Variants in ZNF273 observed in about 807,000 individuals in gnomAD.
The protein encoded by ZNF273 is zinc finger protein 9.
A neutral mutation model predicts 14.9 loss-of-function variants in ZNF273; 11 were observed. The observed-to-expected ratio is 0.74, with a 90% CI of 0.46 to 1.22. The LOEUF (loss-of-function observed/expected upper bound fraction) is 1.22. ZNF273 is among the 50% of genes most tolerant of loss of function. The pLI is 0.00. For synonymous variants in ZNF273, 199 were observed against 223.9 expected (o/e 0.89, Z 0.99); for missense variants, 577 against 660.6 (o/e 0.87, Z 1.39).
At chr7:64,919,988 A>G (rs778312203) in intron 3 of ZNF273, among the ~76,000 whole-genome samples, 9 of 152,112 alleles carry the variant, frequency 5.9e-5, no homozygotes, top group East Asian at 1.9e-4. Flanking sequence ...ATGGCACAAT[A>G]TAGTTTTGCA....
downstream of ZNF273, chr7:64,893,665 GT>G (rs1792172037): frequency 1.0e-5 from 1 of 97,958 alleles, no homozygotes. Context: ...CCTCCCTCCC[GT>G]CCCCCTCCCC....
chr7:64,935,821 T>C (rs114900047), downstream of ZNF273, among the ~76,000 whole-genome samples: 1,393 of 152,262 alleles, frequency 9.1e-3, 16 homozygotes, highest in African/African-American at 0.032. Context: ...TAAACAGTTA[T>C]GTAGATAGTT....
chr7:64,917,487 G>C, intron 1 of ZNF273, 94 bp from the exon 2 acceptor site: 1 of 1,525,898 alleles, frequency 6.6e-7, no homozygotes, highest in Non-Finnish European at 8.9e-7. Context: ...GTAAAAACCA[G>C]TTCTCTTTAC....
chr7:64,918,373 G>A (rs1794161602), intron 3 of ZNF273, 81 bp downstream of exon 3: 3 of 1,380,902 alleles, frequency 2.2e-6, no homozygotes, highest in East Asian at 7.2e-5. Flanking sequence ...TTCTTAAAAT[G>A]TGATTTGGGC....
intron 3 of ZNF273, 53 bp downstream of exon 3, chr7:64,918,345 G>A: frequency 6.8e-7 from 1 of 1,468,744 alleles, no homozygotes; most frequent in African/African-American, 1.4e-5. Context: ...CAGGTCTAAA[G>A]GTCAAGGAGA....
intron 1 of ZNF273, chr7:64,888,234 C>CA (rs1791723702): frequency 3.4e-5 from 32 of 946,388 alleles, no homozygotes; most frequent in Non-Finnish European, 3.9e-5. Context: ...CCCCACCCTC[C>CA]AGCCAGAGGA....
At chr7:64,910,664 C>G (rs1488588195) in intron 1 of ZNF273, among the ~76,000 whole-genome samples, 2 of 150,506 alleles carry the variant, frequency 1.3e-5, no homozygotes, top group African/African-American at 4.9e-5. Flanking sequence ...CTTGGCTATT[C>G]AAGTTTTGTT....
intron 1 of ZNF273, among the ~76,000 whole-genome samples, chr7:64,916,715 C>T (rs755234751): frequency 1.6e-5 from 2 of 125,156 alleles, no homozygotes; most frequent in African/African-American, 2.7e-5. Context: ...TGTGCCTCAG[C>T]GCATCATACA....
chr7:64,918,389 G>A (rs556188430), intron 3 of ZNF273, 97 bp downstream of exon 3: 338 of 1,265,270 alleles, frequency 2.7e-4, no homozygotes, highest in Non-Finnish European at 2.8e-4. Flanking sequence ...TGGGCCAGGC[G>A]CGGTGGCTCA....
intron 1 of ZNF273, chr7:64,888,373 G>A: frequency 6.1e-6 from 6 of 985,340 alleles, no homozygotes; most frequent in Non-Finnish European, 7.2e-6. Flanking sequence ...GGGTTATGAA[G>A]ATGAGAGGGA....
At chr7:64,907,624 A>T (rs772331567) in intron 1 of ZNF273, among the ~76,000 whole-genome samples, 2 of 152,108 alleles carry the variant, frequency 1.3e-5, no homozygotes, top group Non-Finnish European at 2.9e-5. Context: ...GTCTGTGCTG[A>T]CCCTGGGTGG....
upstream of ZNF273, among the ~76,000 whole-genome samples, chr7:64,900,118 C>CT (rs373187103): frequency 0.038 from 5,514 of 143,744 alleles, 131 homozygotes; most frequent in Middle Eastern, 0.084. Context: ...TTTTCTCTCT[C>CT]TTTTTTTTTT....
In ZNF273 at chr7:64,928,743, C is replaced by A. The variant is rs753053884; in HGVS notation, c.1415C>A (p.Thr472Asn). ...ECGSAFRAFS[T>N]LTEHKRVHTG... Reference sequence around the variant, plus strand: ...GGCAGTGCCTTTAGGGCATTCTCAACCCTTACTGAACATAAGAGAGTTCAT... The same window carrying A: ...GGCAGTGCCTTTAGGGCATTCTCAAACCTTACTGAACATAAGAGAGTTCAT... The change falls in exon 4 of 4, where the codon ACC (threonine) becomes AAC (asparagine). Residue 472 changes from threonine (T) to asparagine (N), a missense_variant. This residue lies in a region of ZNF273 where 411 missense variants were observed against 440.4 expected (regional missense o/e 0.93). Transcript: ENST00000476120. 51 of 1,610,986 alleles carry A rather than the reference C, an allele frequency of 3.2e-5. No individual in the cohort carries two copies. The highest frequency in any genetic ancestry group is 4.2e-5 in the Non-Finnish European group (49 of 1,178,396).
intron 1 of ZNF273, 25 bp from the exon 2 acceptor site, chr7:64,917,556 G>A (rs1794095594): frequency 6.3e-7 from 1 of 1,582,712 alleles, no homozygotes; most frequent in African/African-American, 1.4e-5. Context: ...TGGTAAATAT[G>A]TTTTTGTGTG....
chr7:64,910,704 GT>G (rs201783105), intron 1 of ZNF273, among the ~76,000 whole-genome samples: 1 of 143,944 alleles, frequency 6.9e-6, no homozygotes, highest in Non-Finnish European at 1.5e-5. Context: ...TTTTAAAATA[GT>G]TTTTTTTTCT....
At chr7:64,911,876 T>A (rs889259099) in intron 1 of ZNF273, among the ~76,000 whole-genome samples, 1 of 152,102 alleles carries the variant, frequency 6.6e-6, no homozygotes, top group African/African-American at 2.4e-5. Flanking sequence ...GGCATAAATT[T>A]CCCTCTTAAC....
intron 1 of ZNF273, chr7:64,917,112 A>G (rs1437678271): frequency 1.6e-6 from 2 of 1,284,002 alleles, no homozygotes; most frequent in Non-Finnish European, 2.0e-6. Flanking sequence ...AAACATTGGC[A>G]TTACTGGTGA....
intron 1 of ZNF273, among the ~76,000 whole-genome samples, chr7:64,913,498 G>A (rs1006737604): frequency 6.6e-6 from 1 of 151,834 alleles, no homozygotes; most frequent in East Asian, 1.9e-4. Flanking sequence ...AAACATTGCA[G>A]TAGTACATGT....
upstream of ZNF273, among the ~76,000 whole-genome samples, chr7:64,898,740 G>A (rs2129050763): frequency 6.6e-6 from 1 of 152,286 alleles, no homozygotes. Flanking sequence ...AGGGGAAATT[G>A]GTATCTCTGT....
Sources: allele counts gnomAD v4.1 joint callset (sites outside exome capture counted in the v4.1 genomes callset), GRCh38; gene constraint gnomAD v4.1.1; regional missense constraint gnomAD v4.1.1; transcripts MANE v1.5; gene names NCBI Gene and HGNC (gene_info 2026-07-23, HGNC 2026-07-21).